The following CADM1 variants were observed in gnomAD, a reference collection of about 807,000 sequenced individuals.
CADM1 encodes TSLC-1.
Under a neutral mutation model 53.1 loss-of-function variants are expected in CADM1, and 15 were observed. That is an observed-to-expected ratio of 0.28 (90% CI 0.19 to 0.44). CADM1 has a LOEUF of 0.44. CADM1 is among the 20% of genes least tolerant of loss of function. The pLI, the probability that CADM1 is intolerant of heterozygous loss-of-function variation, is 1.00. For missense variants in CADM1, 434 were observed against 611.3 expected (o/e 0.71, Z 3.06); for synonymous variants, 281 against 243.0 (o/e 1.16, Z -1.45).
intron 1 of CADM1, chr11:115,339,841 C>T (rs772250990): frequency 7.2e-5 from 11 of 152,140 alleles, no homozygotes; most frequent in Middle Eastern, 3.4e-3. Context: ...CCAGAGAGCT[C>T]GGACACAAAC....
intron 1 of CADM1, chr11:115,399,375 T>A (rs1369806545): frequency 6.6e-6 from 1 of 152,112 alleles, no homozygotes; most frequent in Non-Finnish European, 1.5e-5. Flanking sequence ...GTCAAGCCAA[T>A]CCCCTGGCCC....
At chr11:115,415,316 AT>A (rs5794981) in intron 1 of CADM1, among the ~76,000 whole-genome samples, 152,302 of 152,302 alleles carry the variant, frequency 1, 76,151 homozygotes, top group Non-Finnish European at 1. Context: ...CTTTCTCTAT[AT>A]AACTGACAGT....
intron 1 of CADM1, among the ~76,000 whole-genome samples, chr11:115,390,633 G>T (rs1395593376): frequency 6.7e-6 from 1 of 149,622 alleles, no homozygotes; most frequent in Non-Finnish European, 1.5e-5. Context: ...TTTTCTAATA[G>T]GTTCCCGGAG....
At chr11:115,209,520 C>A (rs370931357) in intron 8 of CADM1, 54 bp downstream of exon 8, 4 of 1,610,234 alleles carry the variant, frequency 2.5e-6, no homozygotes, top group Non-Finnish European at 3.4e-6. Context: ...TTTATACATA[C>A]CAGAAAGACA....
intron 1 of CADM1, among the ~76,000 whole-genome samples, chr11:115,438,492 A>T (rs1005490635): frequency 6.6e-6 from 1 of 152,098 alleles, no homozygotes; most frequent in African/African-American, 2.4e-5. Context: ...CAAATCAGAC[A>T]GTCAGAGCTG....
chr11:115,405,160 C>T (rs1053779009), intron 1 of CADM1, among the ~76,000 whole-genome samples: 1 of 152,024 alleles, frequency 6.6e-6, no homozygotes, highest in African/African-American at 2.4e-5. Flanking sequence ...TTGCTGTTGC[C>T]CATGCTGGTC....
intron 1 of CADM1, among the ~76,000 whole-genome samples, chr11:115,446,088 C>T (rs1291560922): frequency 6.6e-6 from 1 of 152,036 alleles, no homozygotes; most frequent in East Asian, 1.9e-4. Flanking sequence ...AGACAGAGTC[C>T]CTGCCTTCAA....
chr11:115,448,472 T>C (rs1210008732), intron 1 of CADM1, among the ~76,000 whole-genome samples: 1 of 152,218 alleles, frequency 6.6e-6, no homozygotes, highest in African/African-American at 2.4e-5. Flanking sequence ...TGAAAATGCC[T>C]GCTTTTTCTT....
At chr11:115,249,152 C>G (rs1942507681) in intron 1 of CADM1, among the ~76,000 whole-genome samples, 3 of 152,168 alleles carry the variant, frequency 2.0e-5, no homozygotes, top group African/African-American at 7.2e-5. Flanking sequence ...GGGTGGTATT[C>G]CAGCATTTCA....
intron 1 of CADM1, among the ~76,000 whole-genome samples, chr11:115,467,885 C>T (rs117765620): frequency 1.3e-5 from 2 of 152,300 alleles, no homozygotes; most frequent in East Asian, 3.9e-4. Flanking sequence ...TCCATACATC[C>T]TCTGGAGAGA....
rs150328324 is a variant in CADM1, at chr11:115,344,536, T to C, written c.125-104116A>G. 2.0e-3 allele frequency among the ~76,000 whole-genome samples: 309 copies of C among 152,238 alleles called. 1 individual carries two copies. Among genetic ancestry groups the C allele is most frequent in the African/African-American group, 7.1e-3 (295 of 41,558 alleles). On this transcript the variant is annotated intron_variant, in intron 1 of 11. Transcript: ENST00000331581. ...CATGGCAGACACCACTAACTGTTCA[T>C]AGAACTCCTCCCCTACCTCACCCTC...
chr11:115,200,791 G>A (rs1940389781), intron 8 of CADM1, among the ~76,000 whole-genome samples: 1 of 152,228 alleles, frequency 6.6e-6, no homozygotes, highest in Admixed American at 6.5e-5. Context: ...ACCGTGCCCG[G>A]CATAAGCTTT....
chr11:115,429,792 T>G (rs753407039), intron 1 of CADM1, among the ~76,000 whole-genome samples: 1 of 152,118 alleles, frequency 6.6e-6, no homozygotes, highest in Non-Finnish European at 1.5e-5. Flanking sequence ...GATAATGTGA[T>G]TTTAGGTGGT....
chr11:115,173,955 AAAGT>A lies in CADM1; in HGVS notation c.*2515_*2518del. The A allele has an allele frequency of 2.1e-6, 2 of 968,142 alleles. No individual in the cohort carries two copies. Among genetic ancestry groups the A allele is most frequent in the Non-Finnish European group, 2.5e-6 (2 of 814,176 alleles). The allele number at this position is 968,142 out of a possible 1,614,324, so 60.0% of individuals were successfully genotyped here. Reference sequence around the variant, plus strand: ...TCTAAAAAAAGTGATCAACCTGTACAAAGTAATACTCAACAATACATTTCAAACA... The same window carrying A: ...TCTAAAAAAAGTGATCAACCTGTACAAATACTCAACAATACATTTCAAACA... On this transcript the variant is annotated 3_prime_UTR_variant, in exon 12 of 12. Transcript: ENST00000331581.
chr11:115,498,443 AC>A (rs1183321609), intron 1 of CADM1, among the ~76,000 whole-genome samples: 1 of 152,260 alleles, frequency 6.6e-6, no homozygotes, highest in African/African-American at 2.4e-5. Context: ...AGAAGTCCTC[AC>A]ATGGACGGTA....
intron 1 of CADM1, among the ~76,000 whole-genome samples, chr11:115,449,049 TATCTC>T (rs1196629371): frequency 1.3e-5 from 2 of 152,038 alleles, no homozygotes; most frequent in Non-Finnish European, 2.9e-5. Context: ...AGGGAAAAAA[TATCTC>T]ATCATCTTTT....
Position 115,328,644 on chromosome 11 carries a change from A to AAT in CADM1, c.125-88226_125-88225dup, listed in dbSNP as rs1384113084. Among the ~76,000 whole-genome samples the AAT allele has an allele frequency of 6.6e-5, 9 of 135,478 alleles. No homozygotes were observed. The South Asian group carries it at 1.7e-3, about 26-fold the overall frequency. 88.9% of individuals were successfully genotyped at this position (135,478 alleles called of 152,430 possible). ...ATTAATTATATACTATCTAAATATA[A>AAT]ATATATATATACACACGCACACTAT... On this transcript the variant is annotated intron_variant, in intron 1 of 11. Coordinates refer to ENST00000331581, the MANE Select transcript of CADM1 (RefSeq NM_001301043.2).
intron 1 of CADM1, among the ~76,000 whole-genome samples, chr11:115,432,944 C>A (rs1591231328): frequency 6.6e-6 from 1 of 152,212 alleles, no homozygotes; most frequent in African/African-American, 2.4e-5. Context: ...CAAGGCCTAT[C>A]TTCCTAGTCA....
intron 1 of CADM1, among the ~76,000 whole-genome samples, chr11:115,446,581 T>C (rs1312154935): frequency 6.6e-6 from 1 of 152,046 alleles, no homozygotes; most frequent in African/African-American, 2.4e-5. Context: ...CCCAGAGAGG[T>C]TAAGTAACTC....
Sources: gnomAD v4.1 joint callset for allele counts (sites outside exome capture counted in the v4.1 genomes callset) on GRCh38, gnomAD v4.1.1 for gene constraint, MANE v1.5 for transcripts, NCBI Gene and HGNC (gene_info 2026-07-23, HGNC 2026-07-21) for gene names.